The following CAPN3 variants were observed in gnomAD, a reference collection of about 807,000 sequenced individuals.
The protein encoded by CAPN3 is calpain 3.
Under a neutral mutation model 114.0 loss-of-function variants are expected in CAPN3, and 88 were observed. The observed-to-expected ratio is 0.77, with a 90% CI of 0.65 to 0.92. CAPN3 has a LOEUF of 0.92. Among genes scored for constraint, CAPN3 ranks in the 40% least tolerant of loss-of-function variants. The probability of loss-of-function intolerance (pLI) is 0.00; values close to 1 mark genes in which losing one functional copy is unlikely to be tolerated. For missense variants in CAPN3, 1,028 were observed against 1,069.0 expected, an observed-to-expected ratio of 0.96 and a Z score of 0.53; for synonymous variants, 386 against 382.9, an observed-to-expected ratio of 1.01 and a Z score of -0.09.
intron 1 of CAPN3, among the ~76,000 whole-genome samples, chr15:42,378,036 C>T (rs962051814): frequency 2.8e-4 from 43 of 152,134 alleles, no homozygotes; most frequent in Non-Finnish European, 7.3e-5. Flanking sequence ...GACCCCAGCT[C>T]GTGCGACGGA....
chr15:42,404,135 A>G (rs369810420), intron 14 of CAPN3: 5 of 471,396 alleles, frequency 1.1e-5, no homozygotes, highest in African/African-American at 7.9e-5. Flanking sequence ...TAGAGAAAAG[A>G]AAGTAAGCTG....
chr15:42,410,750 A>G (rs1166867493), intron 21 of CAPN3, 84 bp downstream of exon 21: 1 of 1,367,960 alleles, frequency 7.3e-7, no homozygotes, highest in East Asian at 2.3e-5. Context: ...CTAGGGCCCC[A>G]CTAGAGAAAG....
intron 10 of CAPN3, among the ~76,000 whole-genome samples, chr15:42,400,246 C>T (rs2053827054): frequency 6.6e-6 from 1 of 152,132 alleles, no homozygotes; most frequent in Admixed American, 6.5e-5. Flanking sequence ...ACAGTAAGGG[C>T]ACTATTGGAG....
chr15:42,411,859 AC>A lies in CAPN3; in HGVS notation c.*89del. On this transcript the variant is annotated 3_prime_UTR_variant, in exon 24 of 24. Coordinates refer to ENST00000397163, the MANE Select transcript of CAPN3 (RefSeq NM_000070.3). ...TTTCCAAAGCCATTTACCTCAAAGG[AC>A]CCAGCAGCTACACCCCTACAGGCTT... 1 of 1,610,588 alleles carries A rather than the reference AC, an allele frequency of 6.2e-7. No homozygotes were observed. Among genetic ancestry groups the A allele is most frequent in the African/African-American group, 1.3e-5 (1 of 74,948 alleles).
intron 8 of CAPN3, among the ~76,000 whole-genome samples, chr15:42,395,519 G>T (rs763590105): frequency 3.3e-5 from 5 of 152,186 alleles, no homozygotes; most frequent in Admixed American, 6.5e-5. Context: ...GGTGGGAGGG[G>T]AGGCGTAGAG....
chr15:42,398,779 G>GTTTT (rs2053780595), intron 9 of CAPN3, among the ~76,000 whole-genome samples: 2 of 129,514 alleles, frequency 1.5e-5, no homozygotes, highest in South Asian at 4.9e-4. Flanking sequence ...GAGCATTAGA[G>GTTTT]CTTTTTTTTT....
At chr15:42,388,892 C>G (rs1566975524) in intron 4 of CAPN3, 36 bp from the exon 5 acceptor site, 1 of 1,609,338 alleles carries the variant, frequency 6.2e-7, no homozygotes, top group East Asian at 2.2e-5. Flanking sequence ...CCCTGGAACT[C>G]TGTGACCCCA....
chr15:42,384,003 G>T (rs897201635), intron 1 of CAPN3, among the ~76,000 whole-genome samples: 8 of 152,194 alleles, frequency 5.3e-5, no homozygotes, highest in African/African-American at 1.9e-4. Context: ...CTTTGCACGA[G>T]TTTCTTAACC....
rs2053632095 is a variant in CAPN3, at chr15:42,394,237, C to T, written c.1030-19C>T. The T allele has an allele frequency of 5.2e-6, 8 of 1,551,324 alleles. No individual in the cohort carries two copies. The highest frequency in any genetic ancestry group is 7.0e-6 in the Non-Finnish European group (8 of 1,146,094). On this transcript the variant is annotated intron_variant, in intron 7 of 23. Coordinates refer to ENST00000397163, the MANE Select transcript of CAPN3 (RefSeq NM_000070.3). ...CCAGAGAGGCTGCAGAGCATGAGAGCTCTTTCTGTGTGCTTAAGGTCCCGT... is the reference window on the plus strand; with the variant it reads ...CCAGAGAGGCTGCAGAGCATGAGAGTTCTTTCTGTGTGCTTAAGGTCCCGT...
At chr15:42,406,035 C>A in intron 15 of CAPN3, 92 bp downstream of exon 15, 1 of 1,118,206 alleles carries the variant, frequency 8.9e-7, no homozygotes, top group Non-Finnish European at 1.4e-6. Context: ...TCATATGCAT[C>A]CATGCACCAG....
intron 1 of CAPN3, among the ~76,000 whole-genome samples, chr15:42,381,682 G>A (rs1478149031): frequency 6.6e-6 from 1 of 152,096 alleles, no homozygotes; most frequent in Non-Finnish European, 1.5e-5. Flanking sequence ...TGGGACTACA[G>A]GCATGAGCCA....
chr15:42,361,845 G>A (rs773323359), intron 1 of CAPN3, among the ~76,000 whole-genome samples: 6 of 152,172 alleles, frequency 3.9e-5, no homozygotes, highest in Non-Finnish European at 7.4e-5. Context: ...TTCTCACACC[G>A]GAGGCCTTTG....
chr15:42,385,828 G>T (rs757851060), intron 2 of CAPN3: 25 of 555,746 alleles, frequency 4.5e-5, no homozygotes, highest in Non-Finnish European at 7.0e-5. Context: ...TCCTACAGGT[G>T]TTAGGAAGAA....
intron 5 of CAPN3, among the ~76,000 whole-genome samples, chr15:42,389,732 G>T (rs2412709): frequency 6.6e-6 from 1 of 152,020 alleles, no homozygotes; most frequent in Non-Finnish European, 1.5e-5. Flanking sequence ...CTCCCAACAC[G>T]CCCAATGGAC....
Position 42,395,441 on chromosome 15 carries a change from C to T in CAPN3, c.1115+1100C>T, listed in dbSNP as rs1273894983. 1.1e-4 allele frequency among the ~76,000 whole-genome samples: 16 copies of T among 152,194 alleles called. 1 individual carries two copies. Among genetic ancestry groups the T allele is most frequent in the Admixed American group, 9.8e-4 (15 of 15,284 alleles). ...TAAGGTCCGGGGAAGGACAGGCAAG[C>T]ACACACTAATAATTGAGATGAGTGC... On this transcript the variant is annotated intron_variant, in intron 8 of 23. Coordinates refer to ENST00000397163, the MANE Select transcript of CAPN3 (RefSeq NM_000070.3).
At chr15:42,404,215 C>T (rs149317984) in intron 14 of CAPN3, 8 of 457,238 alleles carry the variant, frequency 1.7e-5, no homozygotes, top group Middle Eastern at 3.2e-4. Flanking sequence ...TTTCTGTAAT[C>T]CCTCTCACTC....
In CAPN3 at chr15:42,386,412, T is replaced by C. The variant is rs28364401; in HGVS notation, c.498+127T>C. 2.8e-3 allele frequency: 2,150 copies of C among 776,024 alleles called. 26 individuals carry two copies. In the African/African-American group the frequency reaches 0.032, roughly 12 times the overall value. 48.1% of individuals were successfully genotyped at this position (776,024 alleles called of 1,614,324 possible). A position where few individuals can be genotyped will look rare whatever the true frequency, so the allele number is the denominator to read the frequency against. On this transcript the variant is annotated intron_variant, in intron 3 of 23. Coordinates refer to ENST00000397163, the MANE Select transcript of CAPN3 (RefSeq NM_000070.3). ...CTACCCGCAGCGGCAACAGTCGGCA[T>C]GGACCCCCTTAAGGCTTCAAGCCTG... is the stretch of plus-strand genomic sequence containing the variant.
intron 1 of CAPN3, among the ~76,000 whole-genome samples, chr15:42,364,476 G>C (rs2052728028): frequency 6.6e-6 from 1 of 152,148 alleles, no homozygotes; most frequent in Admixed American, 6.5e-5. Context: ...CTTAATTTGT[G>C]CCTATGACCA....
rs548919847 is a variant in CAPN3 at position 42,400,034 on chromosome 15, A to G, written c.1354+382A>G. Among the ~76,000 whole-genome samples, 226 of 152,336 alleles carry G rather than the reference A, an allele frequency of 1.5e-3. 2 individuals are homozygous for G. Among genetic ancestry groups the G allele is most frequent in the African/African-American group, 5.2e-3 (215 of 41,586 alleles). On this transcript the variant is annotated intron_variant, in intron 10 of 23. Transcript: ENST00000397163. ...CCTTAGCCTAAAGTTGGGCAAAATC[A>G]TCTAACTCAAAGCCTATTTTACAAG...
Sources: gnomAD v4.1 joint callset for allele counts (sites outside exome capture counted in the v4.1 genomes callset) on GRCh38, gnomAD v4.1.1 for gene constraint, MANE v1.5 for transcripts, NCBI Gene and HGNC (gene_info 2026-07-23, HGNC 2026-07-21) for gene names.